Variants in FLNB observed in about 807,000 individuals in gnomAD.
FLNB encodes filamin-B.
In FLNB, 111 loss-of-function variants were observed where a neutral mutation model predicts 250.6. The observed-to-expected ratio is 0.44, with a 90% CI of 0.38 to 0.52. The LOEUF is 0.52. FLNB is among the 20% of genes least tolerant of loss of function. FLNB has a pLI of 0.00. For missense variants in FLNB, 2,869 were observed against 3,447.8 expected, an observed-to-expected ratio of 0.83 and a Z score of 4.20; for synonymous variants, 1,302 against 1,372.1, an observed-to-expected ratio of 0.95 and a Z score of 1.13.
chr3:58,079,681 A>G (rs1016899277), intron 3 of FLNB, among the ~76,000 whole-genome samples: 1 of 152,242 alleles, frequency 6.6e-6, no homozygotes, highest in Non-Finnish European at 1.5e-5. Context: ...TAAGTCTTGG[A>G]TACCATCTAC....
intron 1 of FLNB, among the ~76,000 whole-genome samples, chr3:58,068,219 G>A (rs191049785): frequency 1.3e-5 from 2 of 152,244 alleles, no homozygotes; most frequent in Non-Finnish European, 2.9e-5. Context: ...GCCTGGGAGG[G>A]AGAAGGGGAC....
In FLNB at chr3:58,124,210, C is replaced by A. The variant is rs1344625057; in HGVS notation, c.3725-122C>A. The A allele has an allele frequency of 3.0e-6, 3 of 999,792 alleles. 1 individual carries two copies. Among genetic ancestry groups the A allele is most frequent in the South Asian group, 2.6e-5 (2 of 75,604 alleles). The allele number at this position is 999,792 out of a possible 1,614,324, so 61.9% of individuals were successfully genotyped here. A position where few individuals can be genotyped will look rare whatever the true frequency, so the allele number is the denominator to read the frequency against. On this transcript the variant is annotated intron_variant, in intron 21 of 45. Transcript: ENST00000295956. ...ATTCTTGATTTGAGAGTTAGAAAAACCAGTTTTCCAGTTACTGAAATTGGA... is the reference window on the plus strand; with the variant it reads ...ATTCTTGATTTGAGAGTTAGAAAAAACAGTTTTCCAGTTACTGAAATTGGA...
At position 58,170,702 on chromosome 3, in the gene FLNB, G is replaced by A. The variant is rs535252967; in HGVS notation, c.7749G>A (p.Leu2583=). Reference sequence around the variant, plus strand: ...TCAAGGAGAGGGGCGATTATGTGCTGGCTGTGAAGTGGGGGGAGGAACACA... The same window carrying A: ...TCAAGGAGAGGGGCGATTATGTGCTAGCTGTGAAGTGGGGGGAGGAACACA... ...YVVKERGDYV[L]AVKWGEEHIP... Residue 2583 remains leucine (L), a synonymous_variant, in exon 46 of 46, where the codon CTG becomes CTA. Coordinates refer to ENST00000295956, the MANE Select transcript of FLNB (RefSeq NM_001457.4). The A allele has an allele frequency of 1.5e-4, 236 of 1,614,154 alleles. 3 individuals are homozygous for A. In the South Asian group the frequency reaches 2.4e-3, roughly 17 times the overall value.
chr3:58,168,740 T>C, intron 44 of FLNB, 82 bp downstream of exon 44: 1 of 994,824 alleles, frequency 1.0e-6, no homozygotes, highest in Non-Finnish European at 1.6e-6. Flanking sequence ...AAACTATGGA[T>C]GGTTTTAGAT....
At chr3:58,108,593 G>T (rs376322609) in intron 13 of FLNB, 22 bp downstream of exon 13, 2 of 1,481,766 alleles carry the variant, frequency 1.3e-6, no homozygotes, top group Non-Finnish European at 1.9e-6. Flanking sequence ...GGGGCCACCT[G>T]TGCAGGTAAT....
intron 1 of FLNB, among the ~76,000 whole-genome samples, chr3:58,058,730 A>G (rs2097173890): frequency 1.3e-5 from 2 of 152,150 alleles, no homozygotes; most frequent in Non-Finnish European, 1.5e-5. Context: ...CGAGATTCTC[A>G]TTTCTTAATC....
intron 16 of FLNB, among the ~76,000 whole-genome samples, 174 bp downstream of exon 16, chr3:58,110,344 CCT>C (rs1280039995): frequency 6.6e-6 from 1 of 152,168 alleles, no homozygotes; most frequent in Non-Finnish European, 1.5e-5. Flanking sequence ...CTCACTGCAA[CCT>C]CTGCCTCCCA....
chr3:58,011,469 C>G (rs759350725), intron 1 of FLNB, among the ~76,000 whole-genome samples: 7 of 152,154 alleles, frequency 4.6e-5, no homozygotes, highest in African/African-American at 1.7e-4. Context: ...ATTGCTCTCC[C>G]GAGAGATCTT....
chr3:58,159,346 A>G (rs973959925), intron 41 of FLNB, among the ~76,000 whole-genome samples: 1 of 152,152 alleles, frequency 6.6e-6, no homozygotes, highest in African/African-American at 2.4e-5. Flanking sequence ...CTGAATCAAG[A>G]TGGTTTGCAT....
At chr3:58,076,727 C>T (rs1340411295) in intron 1 of FLNB, among the ~76,000 whole-genome samples, 1 of 151,908 alleles carries the variant, frequency 6.6e-6, no homozygotes, top group Non-Finnish European at 1.5e-5. Flanking sequence ...CCCAAAAGTG[C>T]TGGGGTTACA....
chr3:58,102,353 TTGTTTCTCTA>T lies in FLNB; in HGVS notation c.1483+15_1483+24del. 1.2e-6 allele frequency: 2 copies of T among 1,614,078 alleles called. No homozygotes were observed. The highest frequency in any genetic ancestry group is 8.5e-7 in the Non-Finnish European group (1 of 1,179,960). On this transcript the variant is annotated intron_variant, in intron 9 of 45. Coordinates refer to ENST00000295956, the MANE Select transcript of FLNB (RefSeq NM_001457.4). ...ATGAAGGGTCCTAGTAAGTGTTCCT[TTGTTTCTCTA>T]TCTCAGGTGTGGTTTTGGCTAACTT...
intron 13 of FLNB, 83 bp downstream of exon 13, chr3:58,108,654 G>T (rs2097263568): frequency 1.2e-6 from 1 of 835,116 alleles, no homozygotes; most frequent in African/African-American, 1.7e-5. Flanking sequence ...GAGTCCATCT[G>T]ATCTTCAGTT....
chr3:58,166,621 GACCAGC>G (rs2097371009), intron 43 of FLNB, among the ~76,000 whole-genome samples: 2 of 152,086 alleles, frequency 1.3e-5, no homozygotes, highest in Admixed American at 1.3e-4. Context: ...AGGAGTTTGA[GACCAGC>G]CCAGGCAACA....
chr3:58,038,133 G>T (rs1481705345), intron 1 of FLNB, among the ~76,000 whole-genome samples: 1 of 152,016 alleles, frequency 6.6e-6, no homozygotes, highest in East Asian at 1.9e-4. Context: ...GTGTTCAAGC[G>T]ATTCTCCTGC....
intron 1 of FLNB, among the ~76,000 whole-genome samples, chr3:58,067,933 G>C (rs1258951037): frequency 6.6e-6 from 1 of 152,170 alleles, no homozygotes; most frequent in South Asian, 2.1e-4. Context: ...GTAGAGTGTG[G>C]GTTTTTTCGG....
At chr3:58,094,726 A>G in intron 4 of FLNB, 110 bp from the exon 5 acceptor site, 1 of 892,734 alleles carries the variant, frequency 1.1e-6, no homozygotes, top group Non-Finnish European at 1.9e-6. Flanking sequence ...CCCACATGGG[A>G]TCTGCAGGGC....
rs376605841 is a variant in FLNB at position 58,163,144 on chromosome 3, A to G, written c.7022-10A>G. ...TTGATTTCACCCTGTGCCTTTGCTC[A>G]TTCTCCTAGATAAGTATGCTGTTCG... On this transcript the variant is annotated splice_polypyrimidine_tract_variant and intron_variant, in intron 42 of 45. Transcript: ENST00000295956. The G allele has an allele frequency of 9.9e-6, 16 of 1,613,960 alleles. No homozygotes were observed. The African/African-American group carries it at 1.9e-4, about 19-fold the overall frequency.
At chr3:58,025,439 AT>A (rs576899851) in intron 1 of FLNB, among the ~76,000 whole-genome samples, 2 of 147,868 alleles carry the variant, frequency 1.4e-5, no homozygotes, top group Admixed American at 6.7e-5. Context: ...CTTCCCTCTC[AT>A]TTTTTTTTCT....
At chr3:58,099,249 C>A (rs2097245036) in intron 8 of FLNB, among the ~76,000 whole-genome samples, 1 of 152,144 alleles carries the variant, frequency 6.6e-6, no homozygotes, top group Admixed American at 6.5e-5. Context: ...GCAACATGGG[C>A]CCTGCAGCCT....
Sources: allele counts gnomAD v4.1 joint callset (sites outside exome capture counted in the v4.1 genomes callset), GRCh38; gene constraint gnomAD v4.1.1; transcripts MANE v1.5; gene names NCBI Gene and HGNC (gene_info 2026-07-23, HGNC 2026-07-21).